Variants in NCKAP5 observed in about 807,000 individuals in gnomAD.
NCKAP5 encodes NCK associated protein 5.
Under a neutral mutation model 167.0 loss-of-function variants are expected in NCKAP5, and 92 were observed. The ratio of observed to expected loss-of-function variants is 0.55; its 90% CI spans 0.47 to 0.66. The LOEUF is 0.66. Ranked by LOEUF, NCKAP5 falls within the 30% of genes least tolerant of loss-of-function variation. The pLI is 0.00. For missense variants in NCKAP5, 2,378 were observed against 2,315.0 expected, an observed-to-expected ratio of 1.03 and a Z score of -0.56; for synonymous variants, 891 against 877.4, an observed-to-expected ratio of 1.02 and a Z score of -0.27.
chr2:133,663,387 TC>T, the NCKAP5 span, among the ~76,000 whole-genome samples: 1 of 152,200 alleles, frequency 6.6e-6, no homozygotes, highest in African/African-American at 2.4e-5. Context: ...GGTGGCGCTT[TC>T]TGAAGGCTGG....
chr2:133,081,620 T>C (rs2080810638), intron 6 of NCKAP5, among the ~76,000 whole-genome samples: 1 of 152,160 alleles, frequency 6.6e-6, no homozygotes, highest in South Asian at 2.1e-4. Context: ...TGGCAATTAT[T>C]ATTCAACTCA....
intron 4 of NCKAP5, among the ~76,000 whole-genome samples, chr2:133,278,578 C>A (rs950187833): frequency 8.6e-5 from 13 of 151,970 alleles, no homozygotes; most frequent in Admixed American, 2.0e-4. Flanking sequence ...TCCTTTTTGC[C>A]ATGTAAAGTA....
chr2:133,284,786 A>G (rs1483651472), intron 4 of NCKAP5: 2 of 152,184 alleles, frequency 1.3e-5, no homozygotes, highest in Admixed American at 6.5e-5. Context: ...TTTATCCACA[A>G]TTTCTTCTTT....
At chr2:132,845,919 T>G (rs1180086426) in intron 11 of NCKAP5, among the ~76,000 whole-genome samples, 1 of 152,228 alleles carries the variant, frequency 6.6e-6, no homozygotes, top group African/African-American at 2.4e-5. Flanking sequence ...TGGAGATATA[T>G]TTCCACTTAT....
At chr2:133,025,293 C>T (rs569946541) in intron 6 of NCKAP5, among the ~76,000 whole-genome samples, 1 of 152,200 alleles carries the variant, frequency 6.6e-6, no homozygotes, top group Admixed American at 6.5e-5. Flanking sequence ...CTAGTTGATA[C>T]ATACAATGTA....
chr2:133,353,806 T>C (rs1684524616), intron 3 of NCKAP5, among the ~76,000 whole-genome samples: 1 of 151,984 alleles, frequency 6.6e-6, no homozygotes, highest in Non-Finnish European at 1.5e-5. Flanking sequence ...CTGGGGAAGA[T>C]CATCTTCCGA....
intron 3 of NCKAP5, among the ~76,000 whole-genome samples, chr2:133,345,339 T>C (rs538458108): frequency 1.3e-5 from 2 of 152,024 alleles, no homozygotes; most frequent in Non-Finnish European, 2.9e-5. Flanking sequence ...AAGTTTACTT[T>C]TAAATTAAAA....
intron 2 of NCKAP5, among the ~76,000 whole-genome samples, chr2:133,520,117 G>C (rs2104766340): frequency 6.6e-6 from 1 of 152,336 alleles, no homozygotes; most frequent in East Asian, 1.9e-4. Flanking sequence ...CTTGAACCTA[G>C]GAGGCGGAGG....
chr2:132,724,617 C>T (rs1314516582), intron 19 of NCKAP5, among the ~76,000 whole-genome samples: 2 of 152,094 alleles, frequency 1.3e-5, no homozygotes, highest in African/African-American at 4.8e-5. Context: ...GTCAGAGGGA[C>T]ACCAATGAAC....
At chr2:132,888,202 C>T (rs187807095) in intron 8 of NCKAP5, among the ~76,000 whole-genome samples, 33 of 151,964 alleles carry the variant, frequency 2.2e-4, no homozygotes, top group African/African-American at 8.0e-4. Context: ...AGCATCAATG[C>T]GTTTGTTGGC....
At chr2:133,253,330 A>G (rs1399992318) in intron 4 of NCKAP5, among the ~76,000 whole-genome samples, 1 of 152,236 alleles carries the variant, frequency 6.6e-6, no homozygotes, top group Non-Finnish European at 1.5e-5. Flanking sequence ...TACTTCATCA[A>G]ACACTGATGA....
chr2:132,854,954 A>G (rs16842561), intron 11 of NCKAP5, among the ~76,000 whole-genome samples: 25,822 of 152,106 alleles, frequency 0.17, 2,656 homozygotes, highest in East Asian at 0.32. Context: ...AATTTGTGTC[A>G]GGAAAAAAAG....
intron 11 of NCKAP5, among the ~76,000 whole-genome samples, chr2:132,844,459 C>T (rs966952774): frequency 1.3e-5 from 2 of 152,080 alleles, no homozygotes; most frequent in Non-Finnish European, 2.9e-5. Context: ...GACTATTTTC[C>T]ATGTGCTTAC....
rs1558762449 is a variant in NCKAP5 at position 132,782,149 on chromosome 2, CTCTTTTTT to C, written c.4654_4661del (p.Lys1552GlufsTer5). The C allele has an allele frequency of 6.2e-7, 1 of 1,609,108 alleles. No individual in the cohort carries two copies. The highest frequency in any genetic ancestry group is 1.3e-5 in the African/African-American group (1 of 74,330). ...CACACTGTAGTTCAGGCTTCTTTTT[CTCTTTTTT>C]TCTTTCTGATTTTAGTTGTCTGTTT... On this transcript the variant is annotated frameshift_variant, in exon 14 of 20. Transcript: ENST00000409261. LOFTEE classifies it high-confidence loss of function.
intron 6 of NCKAP5, among the ~76,000 whole-genome samples, chr2:133,013,994 T>A (rs762668111): frequency 6.6e-6 from 1 of 152,192 alleles, no homozygotes; most frequent in Non-Finnish European, 1.5e-5. Context: ...GACCAATGCC[T>A]CTATTTCCTG....
intron 6 of NCKAP5, among the ~76,000 whole-genome samples, chr2:133,061,264 G>A (rs2079991492): frequency 6.6e-6 from 1 of 152,194 alleles, no homozygotes; most frequent in Non-Finnish European, 1.5e-5. Context: ...TTTGAAAGAA[G>A]TTCTACTGTA....
At chr2:133,088,367 C>T (rs576225468) in intron 6 of NCKAP5, among the ~76,000 whole-genome samples, 4 of 152,084 alleles carry the variant, frequency 2.6e-5, no homozygotes, top group South Asian at 2.1e-4. Context: ...ATTTGTCCCC[C>T]GTACGTGAAG....
At chr2:133,052,905 G>T (rs1022316679) in intron 6 of NCKAP5, among the ~76,000 whole-genome samples, 2 of 151,954 alleles carry the variant, frequency 1.3e-5, no homozygotes, top group South Asian at 4.2e-4. Context: ...AAGGGTAAAA[G>T]AAAATTCTAA....
chr2:132,969,671 T>G (rs72994884), intron 7 of NCKAP5, among the ~76,000 whole-genome samples: 5,804 of 152,172 alleles, frequency 0.038, 346 homozygotes, highest in African/African-American at 0.13. Context: ...CACAGATCCT[T>G]GCAGCTGGAA....
Sources: gnomAD v4.1 joint callset for allele counts (sites outside exome capture counted in the v4.1 genomes callset) on GRCh38, gnomAD v4.1.1 for gene constraint, MANE v1.5 for transcripts, NCBI Gene and HGNC (gene_info 2026-07-23, HGNC 2026-07-21) for gene names.